Variants in SLC25A37 observed in about 807,000 individuals in gnomAD.
SLC25A37 encodes mitoferrin-1.
In SLC25A37, 17 loss-of-function variants were observed where a neutral mutation model predicts 31.0. The observed-to-expected ratio is 0.55, with a 90% CI of 0.38 to 0.82. The LOEUF (loss-of-function observed/expected upper bound fraction) is 0.82. Among genes scored for constraint, SLC25A37 ranks in the 40% least tolerant of loss-of-function variants. The pLI is 0.00. For missense variants in SLC25A37, 404 were observed against 465.8 expected (o/e 0.87, Z 1.22); for synonymous variants, 222 against 193.0 (o/e 1.15, Z -1.24).
chr8:23,545,541 T>C (rs1331874985), intron 1 of SLC25A37, among the ~76,000 whole-genome samples: 1 of 152,214 alleles, frequency 6.6e-6, no homozygotes, highest in Non-Finnish European at 1.5e-5. Context: ...TGCTGTCCTC[T>C]CTATTTGTGT....
intron 1 of SLC25A37, among the ~76,000 whole-genome samples, chr8:23,544,875 T>G (rs1318790913): frequency 1.3e-5 from 2 of 152,206 alleles, no homozygotes; most frequent in Non-Finnish European, 2.9e-5. Flanking sequence ...CCTGTTTGAC[T>G]GCCTGGTGGC....
At chr8:23,532,167 T>C (rs376003139) in intron 1 of SLC25A37, among the ~76,000 whole-genome samples, 3 of 152,232 alleles carry the variant, frequency 2.0e-5, no homozygotes, top group Admixed American at 6.5e-5. Context: ...TTGGCAACTT[T>C]CCTGCTGCTT....
In SLC25A37 at chr8:23,529,398, C is replaced by T. The variant is rs1476681070; in HGVS notation, c.210+186C>T. The stretch of plus-strand genomic sequence containing the variant: ...TGGGCGCCGCGCCTTCCGCCGACCC[C>T]GCGAGGGTGCCCGGTCCTCGCCCCG... On this transcript the variant is annotated intron_variant, in intron 1 of 3. Transcript: ENST00000519973. This position sits in a 1 kb window ranked among gnomAD's most constrained non-coding sequence, Gnocchi z 4.1. Among the ~76,000 whole-genome samples, 1 of 151,562 alleles carries T rather than the reference C, an allele frequency of 6.6e-6. No individual in the cohort carries two copies. The highest frequency in any genetic ancestry group is 2.4e-5 in the African/African-American group (1 of 41,382).
At chr8:23,561,609 A>T (rs1360838866) in intron 1 of SLC25A37, among the ~76,000 whole-genome samples, 1 of 152,192 alleles carries the variant, frequency 6.6e-6, no homozygotes, top group Non-Finnish European at 1.5e-5. Flanking sequence ...GTGGCTGTAC[A>T]GCCTGGGCAC....
intron 1 of SLC25A37, among the ~76,000 whole-genome samples, chr8:23,563,426 A>G (rs899094360): frequency 3.9e-5 from 6 of 152,138 alleles, no homozygotes; most frequent in Admixed American, 6.5e-5. Context: ...GCCTCAAGCA[A>G]TCCTCCTGTC....
chr8:23,564,698 A>AG (rs1462838860), intron 1 of SLC25A37, among the ~76,000 whole-genome samples: 2 of 152,184 alleles, frequency 1.3e-5, no homozygotes, highest in African/African-American at 4.8e-5. Flanking sequence ...TGGGTTTGTA[A>AG]GACCAGCCTT....
In SLC25A37 at chr8:23,539,068, C is replaced by T. The variant is rs73553675; in HGVS notation, c.210+9856C>T. On this transcript the variant is annotated intron_variant, in intron 1 of 3. Transcript: ENST00000519973. ...TCTTGAAAACATCCCCCACCCTCCT[C>T]GTAACCCCAGACAGTCAGGAAGGGC... is the stretch of plus-strand genomic sequence containing the variant. 7.2e-3 allele frequency among the ~76,000 whole-genome samples: 1,092 copies of T among 152,276 alleles called. 12 individuals carry two copies. The highest frequency in any genetic ancestry group is 0.025 in the African/African-American group (1,031 of 41,552).
At chr8:23,538,027 A>ATT (rs1345202660) in intron 1 of SLC25A37, among the ~76,000 whole-genome samples, 1 of 151,924 alleles carries the variant, frequency 6.6e-6, no homozygotes, top group Non-Finnish European at 1.5e-5. Flanking sequence ...TATTGGTTGA[A>ATT]TGAAGGAAGG....
At chr8:23,548,364 G>T (rs1802125111) in intron 1 of SLC25A37, among the ~76,000 whole-genome samples, 1 of 151,840 alleles carries the variant, frequency 6.6e-6, no homozygotes, top group African/African-American at 2.4e-5. Flanking sequence ...ATTCTCAGTA[G>T]AGATGGGATT....
Position 23,550,220 on chromosome 8 carries a change from C to G in SLC25A37, c.211-15888C>G, listed in dbSNP as rs117601768. Reference sequence around the variant, plus strand: ...AAAAAAACACAAAAAAACAAAAACCCGCTTTGTTACCTGCCTGTGGGTGGA... The same window carrying G: ...AAAAAAACACAAAAAAACAAAAACCGGCTTTGTTACCTGCCTGTGGGTGGA... On this transcript the variant is annotated intron_variant, in intron 1 of 3. Transcript: ENST00000519973. Among the ~76,000 whole-genome samples the G allele has an allele frequency of 1.5e-5, 2 of 135,844 alleles. 1 individual carries two copies. Among genetic ancestry groups the G allele is most frequent in the African/African-American group, 6.7e-5 (2 of 30,024 alleles). 89.1% of individuals were successfully genotyped at this position (135,844 alleles called of 152,430 possible). A position where few individuals can be genotyped will look rare whatever the true frequency, so the allele number is the denominator to read the frequency against.
chr8:23,544,361 A>G (rs1227678437), intron 1 of SLC25A37, among the ~76,000 whole-genome samples: 1 of 152,180 alleles, frequency 6.6e-6, no homozygotes, highest in African/African-American at 2.4e-5. Flanking sequence ...AGAAGGATGA[A>G]GTCACCTAAC....
intron 3 of SLC25A37, among the ~76,000 whole-genome samples, chr8:23,569,122 GGT>G (rs1425658738): frequency 6.6e-6 from 1 of 152,068 alleles, no homozygotes; most frequent in Non-Finnish European, 1.5e-5. Flanking sequence ...AAATTAGCCA[GGT>G]GTGGTGGTGC....
rs553997673 is a variant in SLC25A37 at position 23,573,880 on chromosome 8, G to A, written c.*2025G>A. 452 of 456,654 alleles carry A rather than the reference G, an allele frequency of 9.9e-4. 1 individual carries two copies. Among genetic ancestry groups the A allele is most frequent in the South Asian group, 1.6e-3 (106 of 64,566 alleles). The allele number at this position is 456,654 out of a possible 1,614,324, so 28.3% of individuals were successfully genotyped here. ...AACCCACATGGGGATGTAGAAAGCCGTAAAGTCCACGCTACTGTTGAAAAT... is the reference window on the plus strand; with the variant it reads ...AACCCACATGGGGATGTAGAAAGCCATAAAGTCCACGCTACTGTTGAAAAT... On this transcript the variant is annotated 3_prime_UTR_variant, in exon 4 of 4. Transcript: ENST00000519973.
At chr8:23,562,768 A>G (rs2942199) in intron 1 of SLC25A37, among the ~76,000 whole-genome samples, 52,805 of 152,042 alleles carry the variant, frequency 0.35, 9,486 homozygotes, top group African/African-American at 0.43. Flanking sequence ...CAAACTTAGA[A>G]AGTTTAATGA....
intron 1 of SLC25A37, among the ~76,000 whole-genome samples, chr8:23,532,344 G>C (rs138719750): frequency 6.3e-4 from 96 of 152,310 alleles, no homozygotes; most frequent in Admixed American, 1.6e-3. Context: ...CTCACCAAAT[G>C]GTGGCAATGA....
chr8:23,552,177 C>T (rs1411262719), intron 1 of SLC25A37, among the ~76,000 whole-genome samples: 1 of 152,120 alleles, frequency 6.6e-6, no homozygotes, highest in African/African-American at 2.4e-5. Flanking sequence ...TTTGATTAAC[C>T]TAGGTGGTGG....
At chr8:23,567,242 C>T (rs1321417753) in intron 2 of SLC25A37, 3 of 152,196 alleles carry the variant, frequency 2.0e-5, no homozygotes, top group Non-Finnish European at 4.4e-5. Flanking sequence ...AGCATCTCTC[C>T]TCCCATTACC....
intron 1 of SLC25A37, among the ~76,000 whole-genome samples, chr8:23,553,762 T>C (rs17089358): frequency 0.079 from 11,985 of 152,278 alleles, 746 homozygotes; most frequent in African/African-American, 0.17. Context: ...TGCCCAGTCT[T>C]GTGATGACCA....
chr8:23,533,339 G>A (rs1801698938), intron 1 of SLC25A37, among the ~76,000 whole-genome samples: 1 of 152,180 alleles, frequency 6.6e-6, no homozygotes, highest in Admixed American at 6.5e-5. Flanking sequence ...GGTATTTGGG[G>A]TTGAATGGGA....
Sources: gnomAD v4.1 joint callset for allele counts (sites outside exome capture counted in the v4.1 genomes callset) on GRCh38, gnomAD v4.1.1 for gene constraint, Gnocchi (gnomAD v3.1) non-coding constraint, MANE v1.5 for transcripts, NCBI Gene and HGNC (gene_info 2026-07-23, HGNC 2026-07-21) for gene names.